SRFBP1: variants seen among roughly 807,000 people sequenced by gnomAD.
The protein encoded by SRFBP1 is serum response factor binding protein 1.
In SRFBP1, 47 loss-of-function variants were observed where a neutral mutation model predicts 45.5. The observed-to-expected ratio is 1.03, with a 90% confidence interval of 0.82 to 1.32. SRFBP1 has a LOEUF of 1.32. Ranked by LOEUF, SRFBP1 falls within the 40% of genes most tolerant of loss-of-function variation. The probability of loss-of-function intolerance (pLI) is 0.00; values close to 1 mark genes in which losing one functional copy is unlikely to be tolerated. For synonymous variants in SRFBP1, 203 were observed against 166.3 expected (o/e 1.22, Z -1.70); for missense variants, 621 against 484.6 (o/e 1.28, Z -2.64).
In SRFBP1 at chr5:121,962,075, G is replaced by C. The variant is rs1323635674; in HGVS notation, c.36+7G>C. 1 of 1,613,966 alleles carries C rather than the reference G, an allele frequency of 6.2e-7. No homozygotes were observed. Among genetic ancestry groups the C allele is most frequent in the Non-Finnish European group, 8.5e-7 (1 of 1,180,004 alleles). On this transcript the variant is annotated splice_region_variant and intron_variant, in intron 1 of 7. Coordinates refer to ENST00000339397, the MANE Select transcript of SRFBP1 (RefSeq NM_152546.3). The stretch of plus-strand genomic sequence containing the variant: ...TCTGAACCTCAATAACGAGGTGAGC[G>C]CCGAGGAACCTATGGGGCTGACTTT...
At chr5:122,018,652 T>G (rs1753234118) in intron 4 of SRFBP1, among the ~76,000 whole-genome samples, 1 of 152,204 alleles carries the variant, frequency 6.6e-6, no homozygotes, top group East Asian at 1.9e-4. Flanking sequence ...GAAATTTAGA[T>G]GTTGTCAGCC....
At chr5:122,059,377 A>T (rs1754136095) in intron 2 of SRFBP1, among the ~76,000 whole-genome samples, 1 of 152,076 alleles carries the variant, frequency 6.6e-6, no homozygotes, top group Admixed American at 6.6e-5. Context: ...TTTTTATCCC[A>T]TCCCTCTGAC....
At position 121,987,880 on chromosome 5, in the gene SRFBP1, T is replaced by A. The variant is rs75558938; in HGVS notation, c.199-6719T>A. The stretch of plus-strand genomic sequence containing the variant: ...TTTGGTTACAAATGTTTACTTTCCC[T>A]GCTTAACCAGAGGCAGCACTGCACT... On this transcript the variant is annotated intron_variant, in intron 3 of 7. Transcript: ENST00000339397. Among the ~76,000 whole-genome samples, 706 of 152,324 alleles carry A rather than the reference T, an allele frequency of 4.6e-3. 6 individuals are homozygous for A. Among genetic ancestry groups the A allele is most frequent in the African/African-American group, 0.016 (670 of 41,588 alleles).
chr5:122,065,944 C>G (rs1288812876), intron 2 of SRFBP1: 1 of 151,948 alleles, frequency 6.6e-6, no homozygotes, highest in East Asian at 1.9e-4. Flanking sequence ...ATACCAGTCC[C>G]AAGAATGGTG....
chr5:122,057,139 T>G (rs1754092318), intron 2 of SRFBP1, among the ~76,000 whole-genome samples: 2 of 152,174 alleles, frequency 1.3e-5, no homozygotes, highest in South Asian at 4.1e-4. Context: ...ATGTTCTAGG[T>G]CAAAGTTTTC....
At chr5:121,980,093 G>A (rs544498698) in intron 3 of SRFBP1, among the ~76,000 whole-genome samples, 5 of 152,272 alleles carry the variant, frequency 3.3e-5, no homozygotes, top group African/African-American at 4.8e-5. Context: ...GGTAAAGGAA[G>A]TGAATAGATC....
chr5:122,021,042 T>G (rs1221670930), intron 6 of SRFBP1, among the ~76,000 whole-genome samples: 2 of 152,220 alleles, frequency 1.3e-5, no homozygotes, highest in African/African-American at 4.8e-5. Flanking sequence ...GCCAGCTAAT[T>G]TAAATTTTAT....
At chr5:121,981,149 G>C (rs1434384759) in intron 3 of SRFBP1, among the ~76,000 whole-genome samples, 1 of 151,926 alleles carries the variant, frequency 6.6e-6, no homozygotes, top group African/African-American at 2.4e-5. Flanking sequence ...TTCAGGGTTG[G>C]GGAGATGGGG....
chr5:122,027,403 T>TA lies in SRFBP1; in HGVS notation c.*277_*278insA, dbSNP rs1428793191. 2 of 207,854 alleles carry TA rather than the reference T, an allele frequency of 9.6e-6. No individual in the cohort carries two copies. The highest frequency in any genetic ancestry group is 4.6e-5 in the African/African-American group (2 of 43,548). The allele number at this position is 207,854 out of a possible 1,614,324, so 12.9% of individuals were successfully genotyped here. On this transcript the variant is annotated 3_prime_UTR_variant, in exon 8 of 8. Transcript: ENST00000339397. ...CTCTTGGGGAGAATTATAGAATGTT[T>TA]GTTTTTGTATTTTTTTTTAAAGTAA... is the stretch of plus-strand genomic sequence containing the variant.
chr5:122,052,425 T>C (rs889630389), intron 2 of SRFBP1, among the ~76,000 whole-genome samples: 1 of 152,228 alleles, frequency 6.6e-6, no homozygotes, highest in South Asian at 2.1e-4. Flanking sequence ...CCTATATTTC[T>C]TGGAGGTTTT....
At chr5:121,969,175 A>C (rs1358855368) in intron 1 of SRFBP1, among the ~76,000 whole-genome samples, 1 of 152,178 alleles carries the variant, frequency 6.6e-6, no homozygotes, top group Non-Finnish European at 1.5e-5. Flanking sequence ...TAAATGTATA[A>C]GAGATTGTGT....
chr5:122,008,662 AT>A (rs1465315163), intron 4 of SRFBP1, among the ~76,000 whole-genome samples: 1 of 151,838 alleles, frequency 6.6e-6, no homozygotes, highest in Non-Finnish European at 1.5e-5. Context: ...TTGTAAAGGT[AT>A]TTTTTTGTGT....
intron 7 of SRFBP1, 124 bp downstream of exon 7, chr5:122,022,531 C>A: frequency 1.4e-6 from 1 of 717,810 alleles, no homozygotes. Flanking sequence ...GAAATGTTAA[C>A]AGAGCATCTT....
intron 1 of SRFBP1, among the ~76,000 whole-genome samples, chr5:121,972,883 A>G (rs1021131837): frequency 6.6e-6 from 1 of 151,894 alleles, no homozygotes; most frequent in Non-Finnish European, 1.5e-5. Context: ...AAATAAGTAA[A>G]GAAGTGAAGA....
At chr5:122,047,148 T>C (rs567557550) in intron 2 of SRFBP1, among the ~76,000 whole-genome samples, 84 of 152,356 alleles carry the variant, frequency 5.5e-4, no homozygotes, top group African/African-American at 1.9e-3. Context: ...TGGTATTGCC[T>C]AGGTTCTCTT....
At chr5:122,053,525 C>G (rs1456309832) in intron 2 of SRFBP1, among the ~76,000 whole-genome samples, 1 of 151,992 alleles carries the variant, frequency 6.6e-6, no homozygotes, top group Non-Finnish European at 1.5e-5. Context: ...CATTGCCTAC[C>G]TGGCTATCAG....
At chr5:122,043,771 G>T (rs1194195806) in intron 2 of SRFBP1, among the ~76,000 whole-genome samples, 1 of 152,134 alleles carries the variant, frequency 6.6e-6, no homozygotes, top group Non-Finnish European at 1.5e-5. Flanking sequence ...AGGCCATAAG[G>T]TCTCTGTGGC....
chr5:122,055,129 G>A (rs935797153), intron 2 of SRFBP1, among the ~76,000 whole-genome samples: 3 of 152,194 alleles, frequency 2.0e-5, no homozygotes, highest in African/African-American at 4.8e-5. Context: ...TGGAGGCTGG[G>A]AAGTACAAGA....
In SRFBP1 at chr5:122,061,448, A is replaced by G. The variant is rs1411552495; in HGVS notation, n.312-13867A>G. 4.0e-5 allele frequency among the ~76,000 whole-genome samples: 6 copies of G among 150,564 alleles called. 1 individual carries two copies. In the East Asian group the frequency reaches 1.3e-3, roughly 32 times the overall value. ...ATTTTGTGCCTACTTCCCATAATTA[A>G]GAAACAAACAAATTATTTGTAGCAA... On this transcript the variant is annotated intron_variant and non_coding_transcript_variant, in intron 2 of 2. Coordinates refer to the SRFBP1 transcript ENST00000504881.
Sources: allele counts gnomAD v4.1 joint callset (sites outside exome capture counted in the v4.1 genomes callset), GRCh38; gene constraint gnomAD v4.1.1; transcripts MANE v1.5; gene names NCBI Gene and HGNC (gene_info 2026-07-23, HGNC 2026-07-21).